Variants in PAK1 observed in about 807,000 individuals in gnomAD.
The protein encoded by PAK1 is serine/threonine-protein kinase PAK 1.
PAK1 carries 29 observed loss-of-function variants against 67.4 expected under a neutral mutation model. That is an observed-to-expected ratio of 0.43 (90% CI 0.32 to 0.59). PAK1 has a LOEUF of 0.59. Among genes scored for constraint, PAK1 ranks in the 20% least tolerant of loss-of-function variants. The pLI is 0.07. For missense variants in PAK1, 337 were observed against 670.7 expected, an observed-to-expected ratio of 0.50 and a Z score of 5.50; for synonymous variants, 223 against 237.4, an observed-to-expected ratio of 0.94 and a Z score of 0.56.
the PAK1 span, among the ~76,000 whole-genome samples, chr11:77,521,073 T>G: frequency 5.3e-5 from 8 of 152,334 alleles, no homozygotes; most frequent in Non-Finnish European, 1.0e-4. Context: ...GATACTAGCA[T>G]GACCTTTATG....
intron 1 of PAK1, among the ~76,000 whole-genome samples, chr11:77,441,995 A>C (rs143348188): frequency 1.4e-4 from 22 of 152,312 alleles, no homozygotes; most frequent in Admixed American, 4.6e-4. Context: ...TTAATAGTAG[A>C]AAAATGAGAC....
intron 1 of PAK1, among the ~76,000 whole-genome samples, chr11:77,429,941 C>G (rs1482665401): frequency 6.6e-6 from 1 of 151,936 alleles, no homozygotes; most frequent in Non-Finnish European, 1.5e-5. Context: ...CTCAAATGAC[C>G]CAGAAAAACT....
intron 1 of PAK1, among the ~76,000 whole-genome samples, chr11:77,395,168 T>C (rs894861503): frequency 5.3e-5 from 8 of 152,232 alleles, no homozygotes; most frequent in African/African-American, 1.7e-4. Flanking sequence ...TTGAACCCAT[T>C]TGGAAATGTG....
intron 2 of PAK1, among the ~76,000 whole-genome samples, chr11:77,388,396 C>T (rs963890806): frequency 3.9e-5 from 6 of 152,222 alleles, no homozygotes; most frequent in African/African-American, 1.4e-4. Flanking sequence ...CTCTGTCGCC[C>T]AGGCTGAAGT....
At position 77,362,769 on chromosome 11, in the gene PAK1, A is replaced by G. The variant is rs555320020; in HGVS notation, c.478-3752T>C. Among the ~76,000 whole-genome samples, 472 of 152,340 alleles carry G rather than the reference A, an allele frequency of 3.1e-3. 4 individuals carry two copies. Among genetic ancestry groups the G allele is most frequent in the African/African-American group, 0.011 (442 of 41,584 alleles). ...GTGCTCAGTATAGGATTGCTAAATG[A>G]ATATGTCTTATCCAATAGTAGTATA... is the stretch of plus-strand genomic sequence containing the variant. On this transcript the variant is annotated intron_variant, in intron 5 of 14. Coordinates refer to ENST00000356341, the MANE Select transcript of PAK1 (RefSeq NM_002576.5).
intron 7 of PAK1, among the ~76,000 whole-genome samples, chr11:77,354,261 C>G (rs115628411): frequency 2.0e-5 from 3 of 152,150 alleles, no homozygotes; most frequent in Admixed American, 6.5e-5. Flanking sequence ...ACTTCCCCCC[C>G]AAGGTCACAC....
intron 4 of PAK1, 104 bp from the exon 5 acceptor site, chr11:77,374,469 GAATAGT>G (rs1264585365): frequency 1.6e-5 from 12 of 740,102 alleles, no homozygotes; most frequent in Non-Finnish European, 2.2e-5. Context: ...CAGATTCAGA[GAATAGT>G]AATAGTATGA....
chr11:77,437,906 C>G (rs540707380), intron 1 of PAK1, among the ~76,000 whole-genome samples: 1 of 152,274 alleles, frequency 6.6e-6, no homozygotes, highest in Admixed American at 6.5e-5. Flanking sequence ...AATAGGAAAG[C>G]CAGCACTGGA....
intron 8 of PAK1, among the ~76,000 whole-genome samples, chr11:77,351,556 C>T (rs1190939940): frequency 6.6e-6 from 1 of 152,026 alleles, no homozygotes. Flanking sequence ...TACACCAGTT[C>T]AAACTCACAA....
At chr11:77,348,943 G>A (rs1944830699) in intron 9 of PAK1, among the ~76,000 whole-genome samples, 1 of 151,986 alleles carries the variant, frequency 6.6e-6, no homozygotes, top group East Asian at 1.9e-4. Context: ...GGCTAACATG[G>A]TGAAACCTCA....
At chr11:77,428,214 G>A (rs186802187) in intron 1 of PAK1, among the ~76,000 whole-genome samples, 43 of 152,286 alleles carry the variant, frequency 2.8e-4, no homozygotes, top group East Asian at 1.7e-3. Context: ...GCAGAAATGT[G>A]AAAGGTATAA....
chr11:77,368,394 T>C (rs1355465144), intron 5 of PAK1, among the ~76,000 whole-genome samples: 2 of 152,226 alleles, frequency 1.3e-5, no homozygotes, highest in African/African-American at 2.4e-5. Flanking sequence ...GAGGGTAGCA[T>C]AGAGAACGCC....
Position 77,353,585 on chromosome 11 carries a change from C to A in PAK1, c.787G>T (p.Val263Leu). 1 of 1,609,578 alleles carries A rather than the reference C, an allele frequency of 6.2e-7. No individual in the cohort carries two copies. Among genetic ancestry groups the A allele is most frequent in the Non-Finnish European group, 8.5e-7 (1 of 1,175,954 alleles). ...GTATATTTCTTCTTAGGATCGCCCA[C>A]ACTCACTATGCTTCCTTTGAAAGAA... ...ILEKLRSIVS[V>L]GDPKKKYTRF... is the part of the protein sequence containing the mutation. Residue 263 changes from valine to leucine, a missense_variant, in exon 8 of 15, where the codon GTG becomes TTG. Val to Leu is a conservative substitution (Grantham distance 32). Coordinates refer to ENST00000356341, the MANE Select transcript of PAK1 (RefSeq NM_002576.5).
At chr11:77,500,777 G>A in the PAK1 span, among the ~76,000 whole-genome samples, 1 of 152,156 alleles carries the variant, frequency 6.6e-6, no homozygotes, top group Non-Finnish European at 1.5e-5. Context: ...TTGGGAGGTT[G>A]AGGCAGCAAT....
At chr11:77,492,541 CTTTTTTTTTT>C in the PAK1 span, among the ~76,000 whole-genome samples, 5 of 106,122 alleles carry the variant, frequency 4.7e-5, no homozygotes, top group Non-Finnish European at 8.3e-5. Context: ...TGAGGTGGGT[CTTTTTTTTTT>C]TTTTTTTTTT....
chr11:77,375,838 T>C (rs969926029), intron 4 of PAK1, among the ~76,000 whole-genome samples: 4 of 152,132 alleles, frequency 2.6e-5, no homozygotes, highest in African/African-American at 9.7e-5. Context: ...ATCCAATATA[T>C]TCCTCACCAA....
At chr11:77,508,487 T>C in the PAK1 span, among the ~76,000 whole-genome samples, 1 of 152,170 alleles carries the variant, frequency 6.6e-6, no homozygotes, top group East Asian at 1.9e-4. Flanking sequence ...CCCACCATAG[T>C]TGATATTAAA....
At chr11:77,398,798 T>G (rs1478192436) in intron 1 of PAK1, among the ~76,000 whole-genome samples, 2 of 152,194 alleles carry the variant, frequency 1.3e-5, no homozygotes, top group Non-Finnish European at 2.9e-5. Flanking sequence ...CCAAAGGATT[T>G]TCCAACTATA....
intron 1 of PAK1, among the ~76,000 whole-genome samples, chr11:77,435,100 T>C (rs1461799164): frequency 3.5e-5 from 4 of 112,986 alleles, no homozygotes; most frequent in African/African-American, 3.6e-5. Flanking sequence ...GTAGTACTTG[T>C]ACAACCCTGT....
Sources: gnomAD v4.1 joint callset for allele counts (sites outside exome capture counted in the v4.1 genomes callset) on GRCh38, gnomAD v4.1.1 for gene constraint, MANE v1.5 for transcripts, NCBI Gene and HGNC (gene_info 2026-07-23, HGNC 2026-07-21) for gene names.